The following LSG1 variants were observed in gnomAD, a reference collection of about 807,000 sequenced individuals.
The protein encoded by LSG1 is large 60S subunit nuclear export GTPase 1.
LSG1 carries 55 observed loss-of-function variants against 82.6 expected under a neutral mutation model. The ratio of observed to expected loss-of-function variants is 0.67; its 90% CI spans 0.54 to 0.83. LSG1 has a LOEUF of 0.83. Among genes scored for constraint, LSG1 ranks in the 40% least tolerant of loss-of-function variants. LSG1 has a pLI of 0.00. For synonymous variants in LSG1, 272 were observed against 282.5 expected (o/e 0.96, Z 0.37); for missense variants, 809 against 807.9 (o/e 1.00, Z -0.02).
Position 194,670,078 on chromosome 3 carries a change from C to T in LSG1, c.157G>A (p.Val53Met). ...TCATCAAGGGAGCTCTGTTCAGTCA[C>T]TGACTGAAGATTAAGACGACCCCAA... is the stretch of plus-strand genomic sequence containing the variant. ...YDWGRLNLQSVTEQSSLDDFL... is the reference protein window; with the variant it reads ...YDWGRLNLQSMTEQSSLDDFL... Residue 53 changes from valine to methionine, a missense_variant, in exon 2 of 14, where the codon GTG becomes ATG. Transcript: ENST00000265245. 1 of 1,613,046 alleles carries T rather than the reference C, an allele frequency of 6.2e-7. No individual in the cohort carries two copies. Among genetic ancestry groups the T allele is most frequent in the African/African-American group, 1.3e-5 (1 of 75,018 alleles).
chr3:194,644,827 C>T, intron 12 of LSG1, 81 bp from the exon 13 acceptor site: 4 of 1,154,374 alleles, frequency 3.5e-6, no homozygotes, highest in Non-Finnish European at 4.7e-6. Flanking sequence ...CCCAGTCACA[C>T]TCTGATGGAG....
chr3:194,652,698 G>A, intron 8 of LSG1, 31 bp downstream of exon 8: 1 of 1,586,226 alleles, frequency 6.3e-7, no homozygotes, highest in South Asian at 1.1e-5. Flanking sequence ...ACAATCACGT[G>A]GTAACAATGT....
intron 11 of LSG1, chr3:194,646,536 G>C (rs903371811): frequency 9.1e-6 from 2 of 219,258 alleles, no homozygotes; most frequent in African/African-American, 4.7e-5. Context: ...TTTATTTTTT[G>C]TTGAGATGGA....
intron 5 of LSG1, among the ~76,000 whole-genome samples, chr3:194,662,646 C>T (rs9849442): frequency 0.83 from 126,569 of 152,000 alleles, 53,032 homozygotes; most frequent in East Asian, 0.94. Context: ...CCTGTAATCC[C>T]AGCTACTCGG....
At chr3:194,660,932 T>C (rs1397007347) in intron 5 of LSG1, 12 of 456,262 alleles carry the variant, frequency 2.6e-5, no homozygotes, top group South Asian at 1.9e-4. Context: ...GCTCCTCCCT[T>C]CCTTCAGCCT....
At chr3:194,658,515 A>C (rs1257579746) in intron 7 of LSG1, among the ~76,000 whole-genome samples, 1 of 152,232 alleles carries the variant, frequency 6.6e-6, no homozygotes, top group Admixed American at 6.5e-5. Context: ...ATTTGGGCTA[A>C]AAGATAAAAT....
At chr3:194,645,583 C>CACAGACAG (rs1718528683) in intron 12 of LSG1, among the ~76,000 whole-genome samples, 2 of 68,324 alleles carry the variant, frequency 2.9e-5, no homozygotes, top group Admixed American at 3.3e-4. Context: ...CAGACACACA[C>CACAGACAG]ACACACACAC....
rs1444193775 is a variant in LSG1 at position 194,652,915 on chromosome 3, T to C, written c.987A>G (p.Glu329=). Residue 329 remains glutamate (E), a synonymous_variant, in exon 8 of 14, where the codon GAA becomes GAG. Transcript: ENST00000265245. ...QTCSEEDGPK[E]EDCSQDWKES... is the part of the protein sequence containing the mutation. ...CCTTCCAGTCCTGGCTGCAGTCCTC[T>C]TCCTTGGGACCGTCTTCTTCTGAGC... The C allele has an allele frequency of 6.2e-7, 1 of 1,614,142 alleles. No homozygotes were observed. Among genetic ancestry groups the C allele is most frequent in the South Asian group, 1.1e-5 (1 of 91,074 alleles).
intron 2 of LSG1, 126 bp downstream of exon 2, chr3:194,669,883 A>C: frequency 9.1e-7 from 1 of 1,099,212 alleles, no homozygotes; most frequent in Non-Finnish European, 1.3e-6. Context: ...GTGAGCTGAT[A>C]TCACGCCACT....
In LSG1 at chr3:194,645,571, G is replaced by GACACACACACACACACAC. The variant is rs1560219817; in HGVS notation, c.1623+592_1623+593insGTGTGTGTGTGTGTGTGT. Among the ~76,000 whole-genome samples the GACACACACACACACACAC allele has an allele frequency of 7.3e-5, 3 of 41,332 alleles. 1 individual carries two copies. Among genetic ancestry groups the GACACACACACACACACAC allele is most frequent in the African/African-American group, 3.9e-4 (2 of 5,170 alleles). 27.1% of individuals were successfully genotyped at this position (41,332 alleles called of 152,430 possible). A position where few individuals can be genotyped will look rare whatever the true frequency, so the allele number is the denominator to read the frequency against. Reference sequence around the variant, plus strand: ...ACACACACACACACACACACACACAGACAGACACACACACACACACACACA... The same window carrying GACACACACACACACACAC: ...ACACACACACACACACACACACACAGACACACACACACACACACACAGACACACACACACACACACACA... On this transcript the variant is annotated intron_variant, in intron 12 of 13. Coordinates refer to ENST00000265245, the MANE Select transcript of LSG1 (RefSeq NM_018385.3).
At position 194,660,115 on chromosome 3, in the gene LSG1, T is replaced by A; in HGVS notation, c.540A>T (p.Ile180=). 3 of 1,614,086 alleles carry A rather than the reference T, an allele frequency of 1.9e-6. No individual in the cohort carries two copies. Among genetic ancestry groups the A allele is most frequent in the Non-Finnish European group, 1.7e-6 (2 of 1,179,946 alleles). ...ACAGGAGTGGGTTTCGAGCATCTAC[T>A]ATCTGGACCACAATATCACTGAAAA... ...VIERSDIVVQ[I]VDARNPLLFR... The change falls in exon 6 of 14, where the codon ATA becomes ATT. Residue 180 remains isoleucine (I), a synonymous_variant. Coordinates refer to ENST00000265245, the MANE Select transcript of LSG1 (RefSeq NM_018385.3).
chr3:194,659,032 G>A lies in LSG1; in HGVS notation c.684C>T (p.Tyr228=), dbSNP rs771838783. The A allele has an allele frequency of 5.2e-5, 84 of 1,614,066 alleles. No homozygotes were observed. The highest frequency in any genetic ancestry group is 7.0e-5 in the Non-Finnish European group (83 of 1,180,036). The change falls in exon 7 of 14, where the codon TAC becomes TAT. Residue 228 remains tyrosine, a synonymous_variant. Coordinates refer to ENST00000265245, the MANE Select transcript of LSG1 (RefSeq NM_018385.3). ...TAACCTTCACATCTTCTTTTTCGAA[G>A]TACATGGCCCAGGCACTCCGCTGCT... ...TAEQRSAWAM[Y]FEKEDVKVIF... is the part of the protein sequence containing the mutation.
intron 2 of LSG1, among the ~76,000 whole-genome samples, chr3:194,669,158 TTAA>T (rs1174486696): frequency 3.3e-5 from 5 of 152,196 alleles, no homozygotes; most frequent in Non-Finnish European, 5.9e-5. Flanking sequence ...CATTTATTAG[TTAA>T]TAATATGAAA....
At chr3:194,649,549 C>T (rs1417707520) in intron 10 of LSG1, among the ~76,000 whole-genome samples, 1 of 150,796 alleles carries the variant, frequency 6.6e-6, no homozygotes, top group Non-Finnish European at 1.5e-5. Context: ...ATTAACTGGG[C>T]ATGGTGGTAC....
intron 1 of LSG1, among the ~76,000 whole-genome samples, chr3:194,670,705 G>A (rs1719125896): frequency 6.6e-6 from 1 of 152,088 alleles, no homozygotes; most frequent in Admixed American, 6.5e-5. Flanking sequence ...ACAGCTAGCT[G>A]CAGACCACTA....
At chr3:194,667,651 C>T (rs1026404501) in intron 2 of LSG1, among the ~76,000 whole-genome samples, 2 of 151,744 alleles carry the variant, frequency 1.3e-5, no homozygotes, top group South Asian at 2.1e-4. Context: ...CAGCCAGGTG[C>T]GGTGGCTCAC....
Position 194,651,148 on chromosome 3 carries a change from C to A in LSG1, c.1242G>T (p.Val414=). The A allele has an allele frequency of 6.2e-7, 1 of 1,614,222 alleles. No individual in the cohort carries two copies. ...GCTTTGTGTGACCAGGTGTGGCAGACACAGATACTTTCTTGTTGCCCATGA... is the reference window on the plus strand; with the variant it reads ...GCTTTGTGTGACCAGGTGTGGCAGAAACAGATACTTTCTTGTTGCCCATGA... ...NTIMGNKKVS[V]SATPGHTKHF... The change falls in exon 9 of 14, where the codon GTG becomes GTT. Residue 414 remains valine, a synonymous_variant. Coordinates refer to ENST00000265245, the MANE Select transcript of LSG1 (RefSeq NM_018385.3).
At chr3:194,667,018 T>C (rs1719043686) in intron 2 of LSG1, among the ~76,000 whole-genome samples, 1 of 152,034 alleles carries the variant, frequency 6.6e-6, no homozygotes, top group South Asian at 2.1e-4. Flanking sequence ...TGCTGAGAAG[T>C]AGAGGTGCTG....
chr3:194,658,499 T>A (rs1011819747), intron 7 of LSG1, among the ~76,000 whole-genome samples: 1 of 152,208 alleles, frequency 6.6e-6, no homozygotes, highest in Non-Finnish European at 1.5e-5. Flanking sequence ...AAACTACTTT[T>A]GCAAAATTTG....
Sources: allele counts gnomAD v4.1 joint callset (sites outside exome capture counted in the v4.1 genomes callset), GRCh38; gene constraint gnomAD v4.1.1; transcripts MANE v1.5; gene names NCBI Gene and HGNC (gene_info 2026-07-23, HGNC 2026-07-21).